SPOCK1: variants seen among roughly 807,000 people sequenced by gnomAD.
SPOCK1 encodes the protein SPARC (osteonectin), cwcv and kazal like domains proteoglycan 1, also known as testican-1.
In SPOCK1, 23 loss-of-function variants were observed where a neutral mutation model predicts 55.3. The ratio of observed to expected loss-of-function variants is 0.42; its 90% CI spans 0.30 to 0.59. The LOEUF (loss-of-function observed/expected upper bound fraction) is 0.59, where lower values mean the gene tolerates loss of function less well. SPOCK1 is among the 20% of genes least tolerant of loss of function. SPOCK1 has a pLI of 0.22. For missense variants in SPOCK1, 499 were observed against 552.5 expected (o/e 0.90, Z 0.97); for synonymous variants, 226 against 221.0 (o/e 1.02, Z -0.20).
intron 3 of SPOCK1, among the ~76,000 whole-genome samples, chr5:137,217,507 T>G (rs1024479034): frequency 6.6e-6 from 1 of 152,206 alleles, no homozygotes; most frequent in Non-Finnish European, 1.5e-5. Context: ...TCAAATGCTC[T>G]GATTCTAAAG....
intron 5 of SPOCK1, among the ~76,000 whole-genome samples, chr5:137,085,220 G>A (rs1173928869): frequency 6.6e-6 from 1 of 152,114 alleles, no homozygotes; most frequent in Non-Finnish European, 1.5e-5. Flanking sequence ...CCCACCCTAC[G>A]CTCACAGGGC....
At chr5:137,134,251 A>T (rs1182559740) in intron 4 of SPOCK1, among the ~76,000 whole-genome samples, 1 of 152,258 alleles carries the variant, frequency 6.6e-6, no homozygotes, top group Non-Finnish European at 1.5e-5. Context: ...AGTGTGCCTA[A>T]CACAAGATAG....
intron 5 of SPOCK1, among the ~76,000 whole-genome samples, chr5:137,079,532 TTC>T (rs1491278069): frequency 0.05 from 1,220 of 24,202 alleles, 34 homozygotes; most frequent in African/African-American, 0.079. Context: ...TCCCATCTGA[TTC>T]CCCCCCCCCC....
chr5:137,382,016 G>GGC (rs1751482453), intron 2 of SPOCK1, among the ~76,000 whole-genome samples: 1 of 152,132 alleles, frequency 6.6e-6, no homozygotes, highest in African/African-American at 2.4e-5. Flanking sequence ...ACACATACGA[G>GGC]CATATACATT....
intron 5 of SPOCK1, among the ~76,000 whole-genome samples, chr5:137,072,183 G>A (rs937429326): frequency 2.6e-5 from 4 of 152,148 alleles, no homozygotes; most frequent in Non-Finnish European, 5.9e-5. Flanking sequence ...CAGTTGTGAC[G>A]CATGCCCAGA....
intron 3 of SPOCK1, among the ~76,000 whole-genome samples, chr5:137,202,744 A>G (rs890557285): frequency 2.0e-5 from 3 of 152,222 alleles, no homozygotes; most frequent in African/African-American, 2.4e-5. Context: ...TCCTGGAATT[A>G]AAAATCAGGT....
chr5:137,323,353 AAAGG>A (rs1387137551), intron 2 of SPOCK1, among the ~76,000 whole-genome samples: 1 of 152,218 alleles, frequency 6.6e-6, no homozygotes, highest in Non-Finnish European at 1.5e-5. Context: ...AAAAGTAACC[AAAGG>A]AGAACAGGGT....
chr5:137,426,116 T>C (rs1752605161), intron 2 of SPOCK1, among the ~76,000 whole-genome samples: 1 of 152,192 alleles, frequency 6.6e-6, no homozygotes, highest in African/African-American at 2.4e-5. Flanking sequence ...TGCTATAGTT[T>C]TTGCATCCAT....
At chr5:137,099,771 T>G (rs1245579862) in intron 5 of SPOCK1, among the ~76,000 whole-genome samples, 4 of 152,170 alleles carry the variant, frequency 2.6e-5, no homozygotes, top group Non-Finnish European at 4.4e-5. Flanking sequence ...ATGTTAGGAC[T>G]TAAGGCATTG....
At chr5:137,073,446 A>T (rs1185311656) in intron 5 of SPOCK1, among the ~76,000 whole-genome samples, 1 of 152,170 alleles carries the variant, frequency 6.6e-6, no homozygotes, top group African/African-American at 2.4e-5. Context: ...GAAGATTTTG[A>T]CTACACTTGA....
At chr5:137,096,406 T>C (rs1753148026) in intron 5 of SPOCK1, among the ~76,000 whole-genome samples, 1 of 151,992 alleles carries the variant, frequency 6.6e-6, no homozygotes, top group Admixed American at 6.5e-5. Flanking sequence ...GGGTCAGTTA[T>C]GGTCTATGGA....
intron 7 of SPOCK1, among the ~76,000 whole-genome samples, chr5:136,991,053 C>T (rs1321572179): frequency 6.6e-6 from 1 of 152,150 alleles, no homozygotes; most frequent in Non-Finnish European, 1.5e-5. Context: ...TTAACATTCC[C>T]TTCACTCCAG....
chr5:137,302,297 C>T (rs866739520), intron 2 of SPOCK1, among the ~76,000 whole-genome samples: 154 of 152,034 alleles, frequency 1.0e-3, no homozygotes, highest in African/African-American at 2.9e-3. Flanking sequence ...AGGCTGGGCG[C>T]GGTGGCTCAC....
At chr5:137,472,671 C>T (rs1311927162) in intron 2 of SPOCK1, among the ~76,000 whole-genome samples, 2 of 152,218 alleles carry the variant, frequency 1.3e-5, no homozygotes, top group African/African-American at 4.8e-5. Context: ...TTATTCATTA[C>T]AGCATTGTTT....
intron 5 of SPOCK1, among the ~76,000 whole-genome samples, chr5:137,071,022 T>C (rs528519499): frequency 2.7e-5 from 3 of 112,664 alleles, no homozygotes; most frequent in African/African-American, 1.1e-4. Context: ...CCAATTTCTT[T>C]TTTTTTTTTT....
At chr5:137,479,511 C>T (rs1421378009) in intron 2 of SPOCK1, among the ~76,000 whole-genome samples, 2 of 152,234 alleles carry the variant, frequency 1.3e-5, no homozygotes, top group South Asian at 2.1e-4. Context: ...CACATGATAG[C>T]ATCACCTTTA....
intron 3 of SPOCK1, among the ~76,000 whole-genome samples, chr5:137,166,207 G>C (rs1235361814): frequency 6.6e-6 from 1 of 152,108 alleles, no homozygotes; most frequent in Non-Finnish European, 1.5e-5. Context: ...GAGTTCCAAT[G>C]TGTCTGGCAG....
At chr5:137,463,429 A>G (rs1366119418) in intron 2 of SPOCK1, among the ~76,000 whole-genome samples, 1 of 151,696 alleles carries the variant, frequency 6.6e-6, no homozygotes, top group Non-Finnish European at 1.5e-5. Context: ...GACAAACATC[A>G]CATGTTCTCA....
chr5:137,274,819 C>T (rs543384738), intron 2 of SPOCK1, among the ~76,000 whole-genome samples: 1 of 152,116 alleles, frequency 6.6e-6, no homozygotes, highest in Non-Finnish European at 1.5e-5. Context: ...GAGCTACAGG[C>T]ATATTTTGCG....
Sources: gnomAD v4.1 joint callset for allele counts (sites outside exome capture counted in the v4.1 genomes callset) on GRCh38, gnomAD v4.1.1 for gene constraint, MANE v1.5 for transcripts, NCBI Gene and HGNC (gene_info 2026-07-23, HGNC 2026-07-21) for gene names.